KRT23: variants seen among roughly 807,000 people sequenced by gnomAD.
KRT23 encodes the protein keratin 23.
Under a neutral mutation model 47.6 loss-of-function variants are expected in KRT23, and 38 were observed. The observed-to-expected ratio is 0.80, with a 90% CI of 0.62 to 1.05. KRT23 has a LOEUF of 1.05. Ranked by LOEUF, KRT23 falls within the 50% of genes least tolerant of loss-of-function variation. The probability of loss-of-function intolerance (pLI) is 0.00; values close to 1 mark genes in which losing one functional copy is unlikely to be tolerated. For missense variants in KRT23, 503 were observed against 529.5 expected (o/e 0.95, Z 0.49); for synonymous variants, 191 against 199.0 (o/e 0.96, Z 0.34).
rs750178302 is a variant in KRT23 at position 40,922,707 on chromosome 17, C to A, written c.*282G>T. The A allele has an allele frequency of 1.4e-5, 4 of 281,796 alleles. No homozygotes were observed. Among genetic ancestry groups the A allele is most frequent in the Non-Finnish European group, 2.6e-5 (4 of 151,412 alleles). The allele number at this position is 281,796 out of a possible 1,614,324, so 17.5% of individuals were successfully genotyped here. A position where few individuals can be genotyped will look rare whatever the true frequency, so the allele number is the denominator to read the frequency against. ...AAAAAAAGACACGATGCAGCTAGTG[C>A]GGAGTTTTATTGGCTACAAAATAGA... On this transcript the variant is annotated 3_prime_UTR_variant, in exon 9 of 9. Coordinates refer to ENST00000209718, the MANE Select transcript of KRT23 (RefSeq NM_015515.5).
At chr17:40,923,557 G>A (rs1440248812) in intron 8 of KRT23, among the ~76,000 whole-genome samples, 1 of 152,212 alleles carries the variant, frequency 6.6e-6, no homozygotes, top group African/African-American at 2.4e-5. Context: ...ATAAGTGCCT[G>A]TTGAAACATC....
At chr17:40,936,994 A>G (rs886084582) in intron 1 of KRT23, 41 bp from the exon 2 acceptor site, 4 of 198,960 alleles carry the variant, frequency 2.0e-5, no homozygotes, top group African/African-American at 9.2e-5. Context: ...AAGAAAGCAT[A>G]TTCGATGTAG....
At position 40,929,874 on chromosome 17, in the gene KRT23, C is replaced by T. The variant is rs745407022; in HGVS notation, c.636+66G>A. The T allele has an allele frequency of 1.4e-5, 20 of 1,454,850 alleles. No homozygotes were observed. The East Asian group carries it at 2.5e-4, about 19-fold the overall frequency. 90.1% of individuals were successfully genotyped at this position (1,454,850 alleles called of 1,614,324 possible). A position where few individuals can be genotyped will look rare whatever the true frequency, so the allele number is the denominator to read the frequency against. ...AGGTGGTGGTTTCTTCTGTAGCTGT[C>T]GAATCAGCCTGAGATGTGCAGGCTA... On this transcript the variant is annotated intron_variant, in intron 4 of 8. Coordinates refer to ENST00000209718, the MANE Select transcript of KRT23 (RefSeq NM_015515.5).
rs191951345 is a variant in KRT23 at position 40,937,531 on chromosome 17, G to C, written c.-536C>G. ...CCTGCAGAGGGACGATGGAAAACAG[G>C]AAACCTGCCATGGGCTGTCAAATGT... On this transcript the variant is annotated 5_prime_UTR_variant, in exon 1 of 9. Coordinates refer to ENST00000209718, the MANE Select transcript of KRT23 (RefSeq NM_015515.5). The C allele has an allele frequency of 1.0e-3, 159 of 152,344 alleles. No individual in the cohort carries two copies. The highest frequency in any genetic ancestry group is 3.7e-3 in the African/African-American group (152 of 41,570). The allele number at this position is 152,344 out of a possible 1,614,324, so 9.4% of individuals were successfully genotyped here.
intron 6 of KRT23, among the ~76,000 whole-genome samples, chr17:40,926,441 C>T (rs912377242): frequency 2.6e-5 from 4 of 152,144 alleles, no homozygotes; most frequent in Non-Finnish European, 4.4e-5. Context: ...CATCCTTCCT[C>T]GGAGTCCATG....
At chr17:40,929,739 T>G (rs1035079788) in intron 4 of KRT23, 2 of 482,816 alleles carry the variant, frequency 4.1e-6, no homozygotes, top group Non-Finnish European at 7.3e-6. Context: ...TGATTGCATT[T>G]TGGTTGTTGT....
intron 2 of KRT23, among the ~76,000 whole-genome samples, chr17:40,935,114 T>G (rs1345103483): frequency 6.6e-6 from 1 of 151,262 alleles, no homozygotes; most frequent in Non-Finnish European, 1.5e-5. Flanking sequence ...TCACCTTGTT[T>G]TTTTTTTTTT....
Position 40,934,618 on chromosome 17 carries a change from A to C in KRT23, c.396+1590T>G, listed in dbSNP as rs146757069. Among the ~76,000 whole-genome samples, 17 of 152,322 alleles carry C rather than the reference A, an allele frequency of 1.1e-4. No individual in the cohort carries two copies. In the East Asian group the frequency reaches 3.3e-3, roughly 29 times the overall value. On this transcript the variant is annotated intron_variant, in intron 2 of 8. Coordinates refer to ENST00000209718, the MANE Select transcript of KRT23 (RefSeq NM_015515.5). ...CAAGTATAATGCATTATCTTTATTC[A>C]TACTAAGTGTCATTTTTATATGAGG...
At chr17:40,926,798 T>C (rs1160639526) in intron 6 of KRT23, among the ~76,000 whole-genome samples, 2 of 152,202 alleles carry the variant, frequency 1.3e-5, no homozygotes, top group Non-Finnish European at 1.5e-5. Flanking sequence ...CTGCTGTTCC[T>C]CTTGAGACCC....
At chr17:40,935,682 C>T (rs1327384363) in intron 2 of KRT23, among the ~76,000 whole-genome samples, 1 of 152,150 alleles carries the variant, frequency 6.6e-6, no homozygotes, top group East Asian at 1.9e-4. Flanking sequence ...GTGGTGACAA[C>T]TTTTAGGCAT....
Position 40,928,338 on chromosome 17 carries a change from G to C in KRT23, c.821C>G (p.Ala274Gly), listed in dbSNP as rs772756050. Reference sequence around the variant, plus strand: ...GCTCTGCACAGTGGCTGGACTGGCTGCCTCCTGGGACATGGCTGCAGACTG... The same window carrying C: ...GCTCTGCACAGTGGCTGGACTGGCTCCCTCCTGGGACATGGCTGCAGACTG... ...KEQSAAMSQE[A>G]ASPATVQSRQ... The change falls in exon 6 of 9, where the codon GCA (alanine) becomes GGA (glycine). Residue 274 changes from alanine to glycine, a missense_variant. By Grantham distance (60) the Ala-to-Gly change is moderately conservative. Coordinates refer to ENST00000209718, the MANE Select transcript of KRT23 (RefSeq NM_015515.5). 1 of 1,614,204 alleles carries C rather than the reference G, an allele frequency of 6.2e-7. No individual in the cohort carries two copies. Among genetic ancestry groups the C allele is most frequent in the East Asian group, 2.2e-5 (1 of 44,886 alleles).
intron 2 of KRT23, among the ~76,000 whole-genome samples, chr17:40,935,908 T>C (rs16966474): frequency 0.012 from 1,756 of 152,344 alleles, 42 homozygotes; most frequent in East Asian, 0.075. Flanking sequence ...ATTTTAAAGA[T>C]GTTTTTGGTC....
At chr17:40,928,665 C>A in intron 4 of KRT23, 58 bp from the exon 5 acceptor site, 1 of 1,505,264 alleles carries the variant, frequency 6.6e-7, no homozygotes, top group South Asian at 1.2e-5. Flanking sequence ...GGCTGGATTG[C>A]CATGTTGATT....
intron 3 of KRT23, 37 bp downstream of exon 3, chr17:40,931,336 A>G: frequency 1.3e-6 from 2 of 1,519,288 alleles, no homozygotes; most frequent in Non-Finnish European, 1.8e-6. Context: ...AAGCAAACAA[A>G]CAAAAACCCG....
intron 2 of KRT23, among the ~76,000 whole-genome samples, chr17:40,932,050 T>C (rs535639336): frequency 2.0e-5 from 3 of 152,250 alleles, no homozygotes; most frequent in Non-Finnish European, 2.9e-5. Context: ...TAATATTCAA[T>C]GTATTTTGTA....
rs1013829188 is a variant in KRT23, at chr17:40,929,759, G to A, written c.636+181C>T. On this transcript the variant is annotated intron_variant, in intron 4 of 8. Coordinates refer to ENST00000209718, the MANE Select transcript of KRT23 (RefSeq NM_015515.5). Reference sequence around the variant, plus strand: ...GCATTTTGGTTGTTGTATTTGACATGTGACTAGCTAACCTTGAAATTAGAA... The same window carrying A: ...GCATTTTGGTTGTTGTATTTGACATATGACTAGCTAACCTTGAAATTAGAA... 4 of 507,488 alleles carry A rather than the reference G, an allele frequency of 7.9e-6. No individual in the cohort carries two copies. The East Asian group carries it at 1.2e-4, about 15-fold the overall frequency. 31.4% of individuals were successfully genotyped at this position (507,488 alleles called of 1,614,324 possible). A position where few individuals can be genotyped will look rare whatever the true frequency, so the allele number is the denominator to read the frequency against.
intron 4 of KRT23, 138 bp downstream of exon 4, chr17:40,929,802 G>T: frequency 1.5e-6 from 1 of 648,974 alleles, no homozygotes; most frequent in Non-Finnish European, 2.5e-6. Context: ...ATATTTGTAT[G>T]TTTTTCTAAA....
At chr17:40,932,629 C>T (rs533803663) in intron 2 of KRT23, among the ~76,000 whole-genome samples, 1 of 152,318 alleles carries the variant, frequency 6.6e-6, no homozygotes, top group African/African-American at 2.4e-5. Context: ...GAGGTCTTAG[C>T]TCTAAGTTTC....
In KRT23 at chr17:40,924,499, G is replaced by A. The variant is rs570247559; in HGVS notation, c.1147C>T (p.Arg383Trp). Residue 383 changes from arginine (R) to tryptophan (W), a missense_variant, in exon 8 of 9, where the codon CGG (arginine) becomes TGG (tryptophan). Arg to Trp is a moderately radical substitution (Grantham distance 101). Coordinates refer to ENST00000209718, the MANE Select transcript of KRT23 (RefSeq NM_015515.5). Reference protein sequence around the residue: ...RLLEGESEGTREESKSSMKVS... With the variant: ...RLLEGESEGTWEESKSSMKVS... The stretch of plus-strand genomic sequence containing the variant: ...TTCATGCTCGACTTTGATTCTTCCC[G>A]TGTCCTATAAAAGTGATAAAGGTTA... The A allele has an allele frequency of 4.2e-5, 67 of 1,612,672 alleles. No homozygotes were observed. The East Asian group carries it at 4.2e-4, about 10-fold the overall frequency.
Sources: allele counts gnomAD v4.1 joint callset (sites outside exome capture counted in the v4.1 genomes callset), GRCh38; gene constraint gnomAD v4.1.1; transcripts MANE v1.5; gene names NCBI Gene and HGNC (gene_info 2026-07-23, HGNC 2026-07-21).